The following PRND variants were observed in gnomAD, a reference collection of about 807,000 sequenced individuals.
PRND encodes the protein prion-like protein doppel.
For synonymous variants in PRND, 94 were observed against 93.2 expected (o/e 1.01, Z -0.05); for missense variants, 227 against 223.3 (o/e 1.02, Z -0.11).
rs924196626 is a variant in PRND, at chr20:4,726,519, A to G, written c.*1437A>G. 1 of 167,232 alleles carries G rather than the reference A, an allele frequency of 6.0e-6. No homozygotes were observed. Among genetic ancestry groups the G allele is most frequent in the East Asian group, 1.9e-4 (1 of 5,198 alleles). 10.4% of individuals were successfully genotyped at this position (167,232 alleles called of 1,614,324 possible). Reference sequence around the variant, plus strand: ...ACACCACCTTATTAGCTAAAAATATATATAACACAATATGAGTAATGTTTA... The same window carrying G: ...ACACCACCTTATTAGCTAAAAATATGTATAACACAATATGAGTAATGTTTA... On this transcript the variant is annotated 3_prime_UTR_variant, in exon 2 of 2. Transcript: ENST00000305817.
intron 1 of PRND, among the ~76,000 whole-genome samples, chr20:4,722,915 C>T (rs1377096204): frequency 6.6e-6 from 1 of 151,434 alleles, no homozygotes; most frequent in African/African-American, 2.4e-5. Flanking sequence ...TGACAGGCAA[C>T]CTTAAGGTGT....
intron 1 of PRND, among the ~76,000 whole-genome samples, chr20:4,722,344 A>G (rs757207864): frequency 2.9e-4 from 44 of 151,952 alleles, no homozygotes; most frequent in Non-Finnish European, 4.6e-4. Flanking sequence ...GTATGGCCCT[A>G]TTTAGGAGAC....
Position 4,725,266 on chromosome 20 carries a change from T to C in PRND, c.*184T>C, listed in dbSNP as rs576864006. The C allele has an allele frequency of 5.6e-4, 400 of 716,982 alleles. No individual in the cohort carries two copies. Among genetic ancestry groups the C allele is most frequent in the Non-Finnish European group, 7.4e-4 (317 of 429,506 alleles). The allele number at this position is 716,982 out of a possible 1,614,324, so 44.4% of individuals were successfully genotyped here. Reference sequence around the variant, plus strand: ...GCCTGCGTTCTGATAGATGGGGGACTGTGGCTTCTCCGTCACTCCATTCTC... The same window carrying C: ...GCCTGCGTTCTGATAGATGGGGGACCGTGGCTTCTCCGTCACTCCATTCTC... On this transcript the variant is annotated 3_prime_UTR_variant, in exon 2 of 2. Transcript: ENST00000305817.
At chr20:4,722,140 T>C (rs1397934158) in intron 1 of PRND, among the ~76,000 whole-genome samples, 171 bp downstream of exon 1, 1 of 152,212 alleles carries the variant, frequency 6.6e-6, no homozygotes, top group African/African-American at 2.4e-5. Flanking sequence ...TTTCTCTAAG[T>C]TGGTGCTATA....
rs1209042231 is a variant in PRND, at chr20:4,728,455, A to C, written c.*3373A>C. ...CTGCAAACAATAAACATCCTTGTAC[A>C]TACTACATTGCAGTCTGGTACTTCT... On this transcript the variant is annotated 3_prime_UTR_variant, in exon 2 of 2. Coordinates refer to ENST00000305817, the MANE Select transcript of PRND (RefSeq NM_012409.4). 1 of 167,054 alleles carries C rather than the reference A, an allele frequency of 6.0e-6. No homozygotes were observed. The highest frequency in any genetic ancestry group is 2.1e-4 in the South Asian group (1 of 4,830). 10.3% of individuals were successfully genotyped at this position (167,054 alleles called of 1,614,324 possible).
Position 4,724,893 on chromosome 20 carries a change from G to C in PRND, c.342G>C (p.Ala114=). 3.1e-6 allele frequency: 5 copies of C among 1,614,168 alleles called. No individual in the cohort carries two copies. Among genetic ancestry groups the C allele is most frequent in the Non-Finnish European group, 4.2e-6 (5 of 1,180,032 alleles). ...CCGGCTGCATCAATGCCACCCAGGC[G>C]GCGAACCAGGGGGAGTTCCAGAAGC... ...FVTGCINATQ[A]ANQGEFQKPD... The change falls in exon 2 of 2, where the codon GCG becomes GCC. Residue 114 remains alanine (A), a synonymous_variant. Transcript: ENST00000305817. The surrounding 1 kb of genome is among the most constrained non-coding windows in gnomAD (Gnocchi z 4.8).
At position 4,724,225 on chromosome 20, in the gene PRND, A is replaced by AC. The variant is rs1196738914; in HGVS notation, c.-11-314dup. 1.3e-5 allele frequency among the ~76,000 whole-genome samples: 2 copies of AC among 151,932 alleles called. No individual in the cohort carries two copies. Among genetic ancestry groups the AC allele is most frequent in the Non-Finnish European group, 2.9e-5 (2 of 67,984 alleles). ...GAAAGACTTGGGAGTATCAAAGAAAACCTACATGTATTAAGTCACCACTCC... is the reference window on the plus strand; with the variant it reads ...GAAAGACTTGGGAGTATCAAAGAAAACCCTACATGTATTAAGTCACCACTCC... On this transcript the variant is annotated intron_variant, in intron 1 of 1. Transcript: ENST00000305817. The surrounding 1 kb of genome is among the most constrained non-coding windows in gnomAD (Gnocchi z 4.8).
Position 4,726,136 on chromosome 20 carries a change from A to ATTTTTTGT in PRND, c.*1060_*1061insGTTTTTTT, listed in dbSNP as rs1923260680. The ATTTTTTGT allele has an allele frequency of 8.3e-6, 1 of 120,440 alleles. No individual in the cohort carries two copies. The highest frequency in any genetic ancestry group is 3.4e-5 in the African/African-American group (1 of 29,552). 7.5% of individuals were successfully genotyped at this position (120,440 alleles called of 1,614,324 possible). A position where few individuals can be genotyped will look rare whatever the true frequency, so the allele number is the denominator to read the frequency against. ...GGGCCTCCCATAGTGCTGGGATTCA[A>ATTTTTTGT]TTTTTTTTTTTTTTTTTTCAAAAGA... On this transcript the variant is annotated 3_prime_UTR_variant, in exon 2 of 2. Coordinates refer to ENST00000305817, the MANE Select transcript of PRND (RefSeq NM_012409.4).
rs1227234205 is a variant in PRND at position 4,726,355 on chromosome 20, C to G, written c.*1273C>G. ...AAGTCTCTCATTTCTTTCAAGACAGCCTAATGAAGGCCATCATCTCTGTAA... is the reference window on the plus strand; with the variant it reads ...AAGTCTCTCATTTCTTTCAAGACAGGCTAATGAAGGCCATCATCTCTGTAA... On this transcript the variant is annotated 3_prime_UTR_variant, in exon 2 of 2. Coordinates refer to ENST00000305817, the MANE Select transcript of PRND (RefSeq NM_012409.4). 6.0e-6 allele frequency: 1 copy of G among 166,856 alleles called. No homozygotes were observed. Among genetic ancestry groups the G allele is most frequent in the Admixed American group, 6.6e-5 (1 of 15,254 alleles). The allele number at this position is 166,856 out of a possible 1,614,324, so 10.3% of individuals were successfully genotyped here. A position where few individuals can be genotyped will look rare whatever the true frequency, so the allele number is the denominator to read the frequency against.
Position 4,725,862 on chromosome 20 carries a change from C to CTTTTTTT in PRND, c.*790_*796dup, listed in dbSNP as rs56112733. ...CCTGTGGCATGAAGATTTTCTTTCTCTTTTTTTTTTTTTTTTAGATGGAGT... is the reference window on the plus strand; with the variant it reads ...CCTGTGGCATGAAGATTTTCTTTCTCTTTTTTTTTTTTTTTTTTTTTTTAGATGGAGT... On this transcript the variant is annotated 3_prime_UTR_variant, in exon 2 of 2. Coordinates refer to ENST00000305817, the MANE Select transcript of PRND (RefSeq NM_012409.4). 7.2e-5 allele frequency: 11 copies of CTTTTTTT among 152,172 alleles called. No homozygotes were observed. The highest frequency in any genetic ancestry group is 3.6e-3 in the Middle Eastern group (1 of 274). 9.4% of individuals were successfully genotyped at this position (152,172 alleles called of 1,614,324 possible). A position where few individuals can be genotyped will look rare whatever the true frequency, so the allele number is the denominator to read the frequency against.
Position 4,726,508 on chromosome 20 carries a change from G to C in PRND, c.*1426G>C, listed in dbSNP as rs1923272767. ...CAGGAGTTGATACACCACCTTATTA[G>C]CTAAAAATATATATAACACAATATG... is the stretch of plus-strand genomic sequence containing the variant. On this transcript the variant is annotated 3_prime_UTR_variant, in exon 2 of 2. Coordinates refer to ENST00000305817, the MANE Select transcript of PRND (RefSeq NM_012409.4). 1 of 166,972 alleles carries C rather than the reference G, an allele frequency of 6.0e-6. No homozygotes were observed. The highest frequency in any genetic ancestry group is 1.5e-5 in the Non-Finnish European group (1 of 68,106). 10.3% of individuals were successfully genotyped at this position (166,972 alleles called of 1,614,324 possible). A position where few individuals can be genotyped will look rare whatever the true frequency, so the allele number is the denominator to read the frequency against.
In PRND at chr20:4,726,006, G is replaced by T. The variant is rs991055897; in HGVS notation, c.*924G>T. ...CTTCCGAGTAGCTGGGATTACAGGT[G>T]TGTGCCATCATGCCTGACTAATTTT... On this transcript the variant is annotated 3_prime_UTR_variant, in exon 2 of 2. Transcript: ENST00000305817. 1.5e-5 allele frequency: 1 copy of T among 66,174 alleles called. No homozygotes were observed. 4.1% of individuals were successfully genotyped at this position (66,174 alleles called of 1,614,324 possible).
chr20:4,726,462 G>A lies in PRND; in HGVS notation c.*1380G>A, dbSNP rs1162835281. 3 of 166,958 alleles carry A rather than the reference G, an allele frequency of 1.8e-5. No homozygotes were observed. The highest frequency in any genetic ancestry group is 6.6e-5 in the Admixed American group (1 of 15,260). The allele number at this position is 166,958 out of a possible 1,614,324, so 10.3% of individuals were successfully genotyped here. ...TGTGTCTTTAGGGAGACCCAATAAAGAATGCAATCCATGCCATAAGCAGGA... is the reference window on the plus strand; with the variant it reads ...TGTGTCTTTAGGGAGACCCAATAAAAAATGCAATCCATGCCATAAGCAGGA... On this transcript the variant is annotated 3_prime_UTR_variant, in exon 2 of 2. Coordinates refer to ENST00000305817, the MANE Select transcript of PRND (RefSeq NM_012409.4).
chr20:4,722,239 C>T (rs1282493692), intron 1 of PRND, among the ~76,000 whole-genome samples: 1 of 151,660 alleles, frequency 6.6e-6, no homozygotes, highest in Non-Finnish European at 1.5e-5. Context: ...CTCAAGAATG[C>T]TGTGCTTTTA....
chr20:4,725,154 C>T lies in PRND; in HGVS notation c.*72C>T, dbSNP rs1026974402. 8.5e-5 allele frequency: 131 copies of T among 1,548,582 alleles called. No homozygotes were observed. The highest frequency in any genetic ancestry group is 1.1e-4 in the Non-Finnish European group (128 of 1,144,502). On this transcript the variant is annotated 3_prime_UTR_variant, in exon 2 of 2. Coordinates refer to ENST00000305817, the MANE Select transcript of PRND (RefSeq NM_012409.4). ...TGGCAAGTGACCCAGCTCTTCTCCC[C>T]CAAACCCACGCGTGTTCTGAAGGTG...
rs141977017 is a variant in PRND, at chr20:4,727,790, A to G, written c.*2708A>G. Reference sequence around the variant, plus strand: ...TTCAATGCTTTCTACTCATTTTTCTATACTTTTTTTTTTGAGGCAGAGTCT... The same window carrying G: ...TTCAATGCTTTCTACTCATTTTTCTGTACTTTTTTTTTTGAGGCAGAGTCT... On this transcript the variant is annotated 3_prime_UTR_variant, in exon 2 of 2. Transcript: ENST00000305817. The G allele has an allele frequency of 1.9e-5, 2 of 104,538 alleles. No individual in the cohort carries two copies. The highest frequency in any genetic ancestry group is 5.7e-4 in the East Asian group (2 of 3,504). The allele number at this position is 104,538 out of a possible 1,614,324, so 6.5% of individuals were successfully genotyped here.
Position 4,727,144 on chromosome 20 carries a change from A to G in PRND, c.*2062A>G, listed in dbSNP as rs1923294799. ...CTTCCTCGCTCTCCTAAGTTTAATT[A>G]CAACAGCACGTGCAGCCACGTCAGC... On this transcript the variant is annotated 3_prime_UTR_variant, in exon 2 of 2. Coordinates refer to ENST00000305817, the MANE Select transcript of PRND (RefSeq NM_012409.4). The G allele has an allele frequency of 1.2e-5, 2 of 167,154 alleles. No individual in the cohort carries two copies. Among genetic ancestry groups the G allele is most frequent in the African/African-American group, 4.8e-5 (2 of 41,476 alleles). The allele number at this position is 167,154 out of a possible 1,614,324, so 10.4% of individuals were successfully genotyped here.
rs1476334427 is a variant in PRND, at chr20:4,726,950, C to A, written c.*1868C>A. On this transcript the variant is annotated 3_prime_UTR_variant, in exon 2 of 2. Coordinates refer to ENST00000305817, the MANE Select transcript of PRND (RefSeq NM_012409.4). ...ACTGGGGTTCACGTCACTGCCAGAGCTACACTCGCCTTCTGCTTCCACGGT... is the reference window on the plus strand; with the variant it reads ...ACTGGGGTTCACGTCACTGCCAGAGATACACTCGCCTTCTGCTTCCACGGT... 6.0e-6 allele frequency: 1 copy of A among 167,150 alleles called. No individual in the cohort carries two copies. The highest frequency in any genetic ancestry group is 1.5e-5 in the Non-Finnish European group (1 of 68,176). 10.4% of individuals were successfully genotyped at this position (167,150 alleles called of 1,614,324 possible).
chr20:4,722,578 C>T (rs78855327), intron 1 of PRND, among the ~76,000 whole-genome samples: 2,293 of 150,448 alleles, frequency 0.015, 23 homozygotes, highest in Middle Eastern at 0.037. Context: ...CTGTGTTTTG[C>T]CTTTTTTTTT....
Sources: gnomAD v4.1 joint callset for allele counts (sites outside exome capture counted in the v4.1 genomes callset) on GRCh38, gnomAD v4.1.1 for gene constraint, Gnocchi (gnomAD v3.1) non-coding constraint, MANE v1.5 for transcripts, NCBI Gene and HGNC (gene_info 2026-07-23, HGNC 2026-07-21) for gene names.